LSAMP: variants seen among roughly 807,000 people sequenced by gnomAD.
LSAMP encodes the protein limbic system associated membrane protein, also known as limbic system-associated membrane protein.
Under a neutral mutation model 38.6 loss-of-function variants are expected in LSAMP, and 7 were observed. That is an observed-to-expected ratio of 0.18 (90% CI 0.10 to 0.34). The LOEUF is 0.34. Ranked by LOEUF, LSAMP falls within the 10% of genes least tolerant of loss-of-function variation. The probability of loss-of-function intolerance (pLI) is 1.00; values close to 1 mark genes in which losing one functional copy is unlikely to be tolerated. For missense variants in LSAMP, 313 were observed against 420.0 expected (o/e 0.75, Z 2.23); for synonymous variants, 154 against 166.8 (o/e 0.92, Z 0.59).
At chr3:116,156,435 A>G (rs558285172) in intron 1 of LSAMP, among the ~76,000 whole-genome samples, 117 of 152,244 alleles carry the variant, frequency 7.7e-4, no homozygotes, top group African/African-American at 2.6e-3. Context: ...AACAAAACAC[A>G]TATTTGGGAT....
chr3:116,148,093 TGC>T (rs1395230734), intron 1 of LSAMP, among the ~76,000 whole-genome samples: 3 of 151,558 alleles, frequency 2.0e-5, no homozygotes, highest in African/African-American at 7.3e-5. Context: ...CTTCTTAATT[TGC>T]TTGTTCTACA....
chr3:115,963,476 A>C (rs1295043782), intron 3 of LSAMP, among the ~76,000 whole-genome samples: 1 of 152,226 alleles, frequency 6.6e-6, no homozygotes, highest in Non-Finnish European at 1.5e-5. Flanking sequence ...ATCAAGCAGG[A>C]TAATCCTGTT....
intron 3 of LSAMP, among the ~76,000 whole-genome samples, chr3:115,882,598 T>TA (rs1484317031): frequency 6.6e-6 from 1 of 152,002 alleles, no homozygotes; most frequent in Admixed American, 6.6e-5. Context: ...CATAAGAGAG[T>TA]ATACTATTTA....
intron 3 of LSAMP, among the ~76,000 whole-genome samples, chr3:115,887,357 T>A (rs933042515): frequency 2.0e-5 from 3 of 151,454 alleles, no homozygotes; most frequent in Non-Finnish European, 2.9e-5. Context: ...TTTTATCTTA[T>A]AATATGAAAT....
intron 3 of LSAMP, among the ~76,000 whole-genome samples, chr3:115,911,530 G>A (rs1937135710): frequency 1.3e-5 from 2 of 151,946 alleles, no homozygotes; most frequent in Non-Finnish European, 2.9e-5. Context: ...TTTTTGTAGA[G>A]ACAGGGTTTC....
At chr3:116,262,245 G>T (rs1475342655) in intron 1 of LSAMP, among the ~76,000 whole-genome samples, 3 of 152,106 alleles carry the variant, frequency 2.0e-5, no homozygotes, top group Non-Finnish European at 4.4e-5. Flanking sequence ...ACTACCTGTT[G>T]TGCCTGTTGC....
chr3:115,918,637 G>A (rs1937308246), intron 3 of LSAMP, among the ~76,000 whole-genome samples: 2 of 151,902 alleles, frequency 1.3e-5, no homozygotes, highest in South Asian at 4.2e-4. Context: ...AACTCTCAGT[G>A]GCTGCTTTGC....
chr3:116,257,611 CAACAA>C (rs2046768809), intron 1 of LSAMP, among the ~76,000 whole-genome samples: 1 of 151,500 alleles, frequency 6.6e-6, no homozygotes, highest in African/African-American at 2.4e-5. Flanking sequence ...ATAAAATAAA[CAACAA>C]AACAGAAAAA....
At chr3:115,819,853 G>T (rs1312829341) in intron 6 of LSAMP, among the ~76,000 whole-genome samples, 1 of 151,970 alleles carries the variant, frequency 6.6e-6, no homozygotes, top group African/African-American at 2.4e-5. Context: ...TCTTATTTTG[G>T]ACTCTTATTT....
At chr3:115,909,196 CAAAGACA>C (rs1937081415) in intron 3 of LSAMP, among the ~76,000 whole-genome samples, 1 of 152,172 alleles carries the variant, frequency 6.6e-6, no homozygotes, top group African/African-American at 2.4e-5. Flanking sequence ...TCAGGCATCC[CAAAGACA>C]CAGATTTCAG....
intron 1 of LSAMP, among the ~76,000 whole-genome samples, chr3:116,107,232 G>A (rs975658044): frequency 2.6e-5 from 4 of 152,216 alleles, no homozygotes; most frequent in Non-Finnish European, 5.9e-5. Flanking sequence ...AATGGTAATT[G>A]TGGGACTTAA....
At chr3:115,859,316 G>A (rs1576156795) in intron 3 of LSAMP, among the ~76,000 whole-genome samples, 1 of 152,118 alleles carries the variant, frequency 6.6e-6, no homozygotes, top group African/African-American at 2.4e-5. Context: ...GGAGGATAAG[G>A]AGACACAGGG....
At chr3:116,109,498 T>C (rs370532976) in intron 1 of LSAMP, among the ~76,000 whole-genome samples, 21 of 152,086 alleles carry the variant, frequency 1.4e-4, no homozygotes, top group South Asian at 8.3e-4. Flanking sequence ...GCACAGAGAC[T>C]AGGAAGGGAC....
At chr3:115,870,033 A>T (rs1935985758) in intron 3 of LSAMP, among the ~76,000 whole-genome samples, 1 of 152,118 alleles carries the variant, frequency 6.6e-6, no homozygotes, top group Non-Finnish European at 1.5e-5. Context: ...AAGTTAAAAA[A>T]TTAAAATAAT....
intron 1 of LSAMP, among the ~76,000 whole-genome samples, chr3:116,249,417 A>T (rs1311758112): frequency 6.7e-6 from 1 of 150,154 alleles, no homozygotes; most frequent in East Asian, 2.0e-4. Flanking sequence ...TGGGAGTCTC[A>T]CTCTGTCATC....
Position 115,804,660 on chromosome 3 carries a change from C to T in LSAMP, c.*5657G>A, listed in dbSNP as rs1933591684. The T allele has an allele frequency of 6.6e-6, 1 of 151,818 alleles. No homozygotes were observed. Among genetic ancestry groups the T allele is most frequent in the South Asian group, 2.1e-4 (1 of 4,824 alleles). The allele number at this position is 151,818 out of a possible 1,614,324, so 9.4% of individuals were successfully genotyped here. On this transcript the variant is annotated 3_prime_UTR_variant, in exon 7 of 7. Transcript: ENST00000490035. ...AATTTGACCTAAAATTTTTATAAGT[C>T]TTTGCAGAAAGTTCACTTGTTTCCT...
rs12635501 is a variant in LSAMP at position 116,174,063 on chromosome 3, A to C, written c.156-87507T>G. 2.1e-3 allele frequency among the ~76,000 whole-genome samples: 318 copies of C among 151,918 alleles called. 8 individuals are homozygous for C. The East Asian group carries it at 0.057, about 27-fold the overall frequency. On this transcript the variant is annotated intron_variant, in intron 1 of 6. Transcript: ENST00000490035. The stretch of plus-strand genomic sequence containing the variant: ...TTGTGCATTGTCACAGGTAAAAATC[A>C]AAGCAGCCTCATTTATTTCCAAAGG...
intron 1 of LSAMP, among the ~76,000 whole-genome samples, chr3:116,088,999 A>G (rs1264629593): frequency 6.6e-6 from 1 of 152,188 alleles, no homozygotes; most frequent in Admixed American, 6.5e-5. Flanking sequence ...ACCCACAAAT[A>G]AATTGGACAG....
intron 1 of LSAMP, among the ~76,000 whole-genome samples, chr3:116,379,548 C>T (rs1559847502): frequency 6.6e-6 from 1 of 151,998 alleles, no homozygotes; most frequent in Admixed American, 6.6e-5. Context: ...GTGACATGAT[C>T]TGACCTATAT....
Sources: gnomAD v4.1 joint callset for allele counts (sites outside exome capture counted in the v4.1 genomes callset) on GRCh38, gnomAD v4.1.1 for gene constraint, MANE v1.5 for transcripts, NCBI Gene and HGNC (gene_info 2026-07-23, HGNC 2026-07-21) for gene names.